Variants in EYS observed in about 807,000 individuals in gnomAD.
EYS encodes EGF-like photoreceptor maintenance factor.
EYS carries 250 observed loss-of-function variants against 282.1 expected under a neutral mutation model. The ratio of observed to expected loss-of-function variants is 0.89; its 90% CI spans 0.80 to 0.98. The LOEUF is 0.98. EYS is among the 50% of genes least tolerant of loss of function. EYS has a pLI of 0.00. For synonymous variants in EYS, 1,355 were observed against 1,282.9 expected (o/e 1.06, Z -1.20); for missense variants, 4,016 against 3,709.0 (o/e 1.08, Z -2.15).
At chr6:64,463,954 T>C (rs1180054449) in intron 26 of EYS, among the ~76,000 whole-genome samples, 1 of 152,180 alleles carries the variant, frequency 6.6e-6, no homozygotes, top group Non-Finnish European at 1.5e-5. Context: ...CATTATCCCA[T>C]TACCCTTATA....
At chr6:63,796,178 T>C (rs555571072) in intron 37 of EYS, among the ~76,000 whole-genome samples, 2 of 152,342 alleles carry the variant, frequency 1.3e-5, no homozygotes, top group East Asian at 3.9e-4. Flanking sequence ...TTGTGTGTTG[T>C]AAGTTATGAA....
intron 19 of EYS, among the ~76,000 whole-genome samples, chr6:64,829,916 G>A (rs556072140): frequency 6.6e-6 from 1 of 151,930 alleles, no homozygotes; most frequent in Non-Finnish European, 1.5e-5. Flanking sequence ...CCTTGCGCTA[G>A]AGAATACCAC....
intron 26 of EYS, among the ~76,000 whole-genome samples, chr6:64,526,338 A>G (rs1004849086): frequency 2.0e-5 from 3 of 151,824 alleles, no homozygotes; most frequent in African/African-American, 7.2e-5. Flanking sequence ...ACCTGGGGAA[A>G]TTGGTTAAAG....
intron 39 of EYS, among the ~76,000 whole-genome samples, chr6:63,784,936 C>T (rs1051126984): frequency 6.6e-6 from 1 of 152,098 alleles, no homozygotes; most frequent in Non-Finnish European, 1.5e-5. Flanking sequence ...GACAGTAAGC[C>T]TGTCATTCTA....
At chr6:65,255,118 A>T (rs1767426120) in intron 12 of EYS, among the ~76,000 whole-genome samples, 1 of 152,000 alleles carries the variant, frequency 6.6e-6, no homozygotes, top group South Asian at 2.1e-4. Flanking sequence ...TCATTACCTG[A>T]CTTCAAATTA....
intron 12 of EYS, among the ~76,000 whole-genome samples, chr6:65,282,553 A>T (rs1227009894): frequency 6.6e-6 from 1 of 152,026 alleles, no homozygotes; most frequent in East Asian, 1.9e-4. Flanking sequence ...CTGATTTTCA[A>T]ATTTTACTAC....
intron 33 of EYS, among the ~76,000 whole-genome samples, chr6:64,015,510 GA>G (rs1259395048): frequency 2.6e-5 from 4 of 151,364 alleles, no homozygotes; most frequent in South Asian, 4.2e-4. Flanking sequence ...AAAAATAGAA[GA>G]AAAAAAGAAA....
At chr6:65,345,511 T>C (rs1178492658) in intron 9 of EYS, among the ~76,000 whole-genome samples, 1 of 151,760 alleles carries the variant, frequency 6.6e-6, no homozygotes, top group Non-Finnish European at 1.5e-5. Context: ...TCAAGTATGC[T>C]TTTGTGGGAT....
intron 2 of EYS, among the ~76,000 whole-genome samples, chr6:65,611,104 T>C (rs185242447): frequency 1.1e-4 from 16 of 151,900 alleles, no homozygotes; most frequent in Non-Finnish European, 1.6e-4. Context: ...CAGGAAATAA[T>C]ACATACTTTT....
intron 5 of EYS, among the ~76,000 whole-genome samples, chr6:65,442,046 T>C (rs1768348370): frequency 6.6e-6 from 1 of 152,122 alleles, no homozygotes; most frequent in Non-Finnish European, 1.5e-5. Context: ...GCCTGGTTTA[T>C]TTACTTCATA....
intron 34 of EYS, among the ~76,000 whole-genome samples, chr6:63,990,277 G>A (rs1767547401): frequency 6.6e-6 from 1 of 151,596 alleles, no homozygotes; most frequent in African/African-American, 2.4e-5. Context: ...AAAATACATG[G>A]ACCAATTCCC....
intron 12 of EYS, among the ~76,000 whole-genome samples, chr6:65,209,938 C>T (rs1766133286): frequency 6.6e-6 from 1 of 151,782 alleles, no homozygotes; most frequent in Non-Finnish European, 1.5e-5. Flanking sequence ...GTATTGCATC[C>T]AGCACAATGA....
At chr6:65,606,962 G>A (rs1009046643) in intron 2 of EYS, among the ~76,000 whole-genome samples, 6 of 151,418 alleles carry the variant, frequency 4.0e-5, no homozygotes, top group Admixed American at 2.0e-4. Context: ...GTCTTAAGCA[G>A]GAGTGAGTAG....
intron 14 of EYS, among the ~76,000 whole-genome samples, chr6:64,953,247 C>T (rs1273348245): frequency 1.3e-5 from 2 of 151,492 alleles, no homozygotes; most frequent in Non-Finnish European, 3.0e-5. Flanking sequence ...GTGAAACTTT[C>T]TATTAGATTA....
intron 35 of EYS, among the ~76,000 whole-genome samples, chr6:63,942,014 A>G (rs2149758678): frequency 6.6e-6 from 1 of 152,320 alleles, no homozygotes; most frequent in East Asian, 1.9e-4. Context: ...GTTAAACACT[A>G]AAGGTGTTGC....
At chr6:65,137,975 A>T (rs1240345838) in intron 12 of EYS, among the ~76,000 whole-genome samples, 1 of 152,096 alleles carries the variant, frequency 6.6e-6, no homozygotes, top group Admixed American at 6.6e-5. Context: ...ACTGCTAGAG[A>T]TTATAATGCC....
At chr6:65,604,089 A>T (rs145372856) in intron 2 of EYS, among the ~76,000 whole-genome samples, 13 of 152,010 alleles carry the variant, frequency 8.6e-5, no homozygotes, top group African/African-American at 3.1e-4. Flanking sequence ...TATGTCCTCA[A>T]AGTCTCCTCT....
chr6:64,341,624 T>C (rs993327404), intron 29 of EYS, among the ~76,000 whole-genome samples: 1 of 151,708 alleles, frequency 6.6e-6, no homozygotes, highest in African/African-American at 2.4e-5. Context: ...CCTACACCCA[T>C]GTAACAATCC....
At chr6:64,811,232 C>T (rs1764581082) in intron 22 of EYS, among the ~76,000 whole-genome samples, 1 of 151,966 alleles carries the variant, frequency 6.6e-6, no homozygotes, top group Non-Finnish European at 1.5e-5. Context: ...CAAGGCATTA[C>T]CATTGACAGA....
Sources: allele counts gnomAD v4.1 joint callset (sites outside exome capture counted in the v4.1 genomes callset), GRCh38; gene constraint gnomAD v4.1.1; transcripts MANE v1.5; gene names NCBI Gene and HGNC (gene_info 2026-07-23, HGNC 2026-07-21).